Variants in MYT1L observed in about 807,000 individuals in gnomAD.
MYT1L encodes myelin transcription factor 1-like protein.
A neutral mutation model predicts 126.7 loss-of-function variants in MYT1L; 12 were observed. That is an observed-to-expected ratio of 0.09 (90% CI 0.06 to 0.15). The LOEUF (loss-of-function observed/expected upper bound fraction) is 0.15, where lower values mean the gene tolerates loss of function less well. MYT1L is among the 10% of genes least tolerant of loss of function. The pLI is 1.00. For synonymous variants in MYT1L, 541 were observed against 604.2 expected (o/e 0.90, Z 1.53); for missense variants, 979 against 1,585.2 (o/e 0.62, Z 6.49).
rs187837853 is a variant in MYT1L at position 1,845,163 on chromosome 2, G to A, written c.2775-4320C>T. 1.5e-3 allele frequency among the ~76,000 whole-genome samples: 227 copies of A among 152,150 alleles called. 1 individual carries two copies. The highest frequency in any genetic ancestry group is 0.014 in the Middle Eastern group (4 of 294). ...CTGGATAATTTTTGTATTTTTAGTA[G>A]AGATGACGTTTCATCATGTTAGCTG... On this transcript the variant is annotated intron_variant, in intron 19 of 24. Coordinates refer to ENST00000647738, the MANE Select transcript of MYT1L (RefSeq NM_001303052.2).
At chr2:1,795,731 G>A (rs770465260) in intron 23 of MYT1L, 2 of 152,228 alleles carry the variant, frequency 1.3e-5, no homozygotes, top group African/African-American at 4.8e-5. Flanking sequence ...GCCCTCTGAC[G>A]AAGGTGGGTT....
At chr2:2,141,721 A>G (rs895063871) in intron 3 of MYT1L, among the ~76,000 whole-genome samples, 1 of 152,162 alleles carries the variant, frequency 6.6e-6, no homozygotes, top group South Asian at 2.1e-4. Context: ...TTTACAAGTA[A>G]CCCTACGTCA....
At chr2:2,170,813 G>T (rs542243289) in intron 3 of MYT1L, among the ~76,000 whole-genome samples, 1 of 152,132 alleles carries the variant, frequency 6.6e-6, no homozygotes, top group African/African-American at 2.4e-5. Flanking sequence ...CTATGTCTGC[G>T]CCCTTCACAG....
chr2:2,051,835 GA>G (rs1440226138), intron 4 of MYT1L, among the ~76,000 whole-genome samples: 1 of 152,040 alleles, frequency 6.6e-6, no homozygotes, highest in Non-Finnish European at 1.5e-5. Flanking sequence ...TTCATTACCA[GA>G]AAATATAAGA....
At chr2:2,295,787 CAGACAGAGAGAGAGAGAGAG>C (rs2095682588) in intron 1 of MYT1L, among the ~76,000 whole-genome samples, 2 of 118,622 alleles carry the variant, frequency 1.7e-5, no homozygotes, top group Non-Finnish European at 3.7e-5. Flanking sequence ...GATAGAGAGA[CAGACAGAGAGAGAGAGAGAG>C]AGAGAGACAG....
chr2:2,264,559 C>A (rs897432411), intron 2 of MYT1L, among the ~76,000 whole-genome samples: 2 of 152,160 alleles, frequency 1.3e-5, no homozygotes, highest in Non-Finnish European at 1.5e-5. Context: ...ACTAATTCTG[C>A]GGGGTTGGCT....
chr2:2,088,788 C>G (rs1004252022), intron 3 of MYT1L, among the ~76,000 whole-genome samples: 5 of 152,144 alleles, frequency 3.3e-5, no homozygotes, highest in African/African-American at 4.8e-5. Flanking sequence ...TTTGAACGAA[C>G]AATTACGACC....
intron 3 of MYT1L, among the ~76,000 whole-genome samples, chr2:2,132,945 C>T (rs534367447): frequency 1.2e-3 from 180 of 152,254 alleles, no homozygotes; most frequent in African/African-American, 4.1e-3. Context: ...TCCTTAAAAA[C>T]TCCAGCCCCT....
chr2:1,941,664 T>C (rs555929153), intron 9 of MYT1L, among the ~76,000 whole-genome samples: 1 of 141,628 alleles, frequency 7.1e-6, no homozygotes, highest in African/African-American at 2.6e-5. Flanking sequence ...ATTTATGTAA[T>C]GCATGTGTGT....
chr2:2,189,221 GCTC>G (rs1442657296), intron 2 of MYT1L, among the ~76,000 whole-genome samples: 1 of 152,230 alleles, frequency 6.6e-6, no homozygotes, highest in Non-Finnish European at 1.5e-5. Context: ...GTAAGAGGCG[GCTC>G]CTCCTCATCC....
chr2:1,974,116 G>A (rs1198191268), intron 8 of MYT1L, among the ~76,000 whole-genome samples: 1 of 152,188 alleles, frequency 6.6e-6, no homozygotes, highest in Non-Finnish European at 1.5e-5. Flanking sequence ...TGCACAGTTG[G>A]GAGACTGCAA....
intron 9 of MYT1L, among the ~76,000 whole-genome samples, chr2:1,925,102 G>T (rs2054053935): frequency 6.6e-6 from 1 of 152,186 alleles, no homozygotes; most frequent in Non-Finnish European, 1.5e-5. Flanking sequence ...GATAAGCTAT[G>T]ATTTGAAAAC....
intron 4 of MYT1L, among the ~76,000 whole-genome samples, chr2:2,037,789 A>C (rs982008011): frequency 2.1e-5 from 3 of 145,786 alleles, no homozygotes; most frequent in Non-Finnish European, 4.5e-5. Flanking sequence ...AAACCCCCCC[A>C]AAAAAACAAA....
At chr2:1,837,330 A>C (rs2041045674) in intron 21 of MYT1L, among the ~76,000 whole-genome samples, 1 of 152,182 alleles carries the variant, frequency 6.6e-6, no homozygotes, top group Non-Finnish European at 1.5e-5. Context: ...ACGTGAGAGG[A>C]CGAAATTGTT....
chr2:2,273,026 G>A (rs911029998), intron 2 of MYT1L, among the ~76,000 whole-genome samples: 2 of 152,084 alleles, frequency 1.3e-5, no homozygotes, highest in Non-Finnish European at 2.9e-5. Flanking sequence ...TCAGTCCCAG[G>A]AGCTCTCAGG....
At chr2:2,075,472 C>T (rs756543420) in intron 3 of MYT1L, among the ~76,000 whole-genome samples, 11 of 152,052 alleles carry the variant, frequency 7.2e-5, no homozygotes, top group South Asian at 2.1e-4. Context: ...CTAAGATGAA[C>T]GAGAGGTTTT....
At chr2:1,915,375 G>A (rs1028972238) in intron 11 of MYT1L, among the ~76,000 whole-genome samples, 5 of 151,916 alleles carry the variant, frequency 3.3e-5, no homozygotes, top group East Asian at 2.0e-4. Flanking sequence ...GCCTCCGAGA[G>A]CGATCTGGCC....
chr2:1,897,683 A>C (rs935624164), intron 14 of MYT1L, among the ~76,000 whole-genome samples: 4 of 152,104 alleles, frequency 2.6e-5, no homozygotes, highest in Non-Finnish European at 4.4e-5. Context: ...GGCTGATCTC[A>C]AACTCCTGAC....
intron 2 of MYT1L, among the ~76,000 whole-genome samples, chr2:2,191,549 C>G (rs1459275629): frequency 6.6e-6 from 1 of 152,122 alleles, no homozygotes; most frequent in Non-Finnish European, 1.5e-5. Flanking sequence ...TTTCACATCC[C>G]CAGGGGAAGA....
Sources: allele counts gnomAD v4.1 joint callset (sites outside exome capture counted in the v4.1 genomes callset), GRCh38; gene constraint gnomAD v4.1.1; transcripts MANE v1.5; gene names NCBI Gene and HGNC (gene_info 2026-07-23, HGNC 2026-07-21).